GOLGA7B: variants seen among roughly 807,000 people sequenced by gnomAD.
The protein encoded by GOLGA7B is golgin subfamily A member 7B.
Under a neutral mutation model 21.5 loss-of-function variants are expected in GOLGA7B, and 17 were observed. The ratio of observed to expected loss-of-function variants is 0.79; its 90% CI spans 0.54 to 1.19. The LOEUF (loss-of-function observed/expected upper bound fraction) is 1.19. Among genes scored for constraint, GOLGA7B ranks in the 50% most tolerant of loss-of-function variants. The pLI, the probability that GOLGA7B is intolerant of heterozygous loss-of-function variation, is 0.00. For missense variants in GOLGA7B, 169 were observed against 224.4 expected (o/e 0.75, Z 1.58); for synonymous variants, 87 against 84.0 (o/e 1.04, Z -0.19).
At position 97,870,889 on chromosome 10, in the gene GOLGA7B, T is replaced by A. The variant is rs2050085873; in HGVS notation, c.*5189T>A. Reference sequence around the variant, plus strand: ...CGACCCGACTGCATTCAGGTGCATATTATGTGCCGTTATCTGAGGAGAGCA... The same window carrying A: ...CGACCCGACTGCATTCAGGTGCATAATATGTGCCGTTATCTGAGGAGAGCA... On this transcript the variant is annotated 3_prime_UTR_variant, in exon 5 of 5. Transcript: ENST00000370602. 1 of 152,172 alleles carries A rather than the reference T, an allele frequency of 6.6e-6. No homozygotes were observed. Among genetic ancestry groups the A allele is most frequent in the Non-Finnish European group, 1.5e-5 (1 of 68,040 alleles). The allele number at this position is 152,172 out of a possible 1,614,324, so 9.4% of individuals were successfully genotyped here. A position where few individuals can be genotyped will look rare whatever the true frequency, so the allele number is the denominator to read the frequency against.
Position 97,866,797 on chromosome 10 carries a change from T to C in GOLGA7B, c.*1097T>C, listed in dbSNP as rs942989406. ...ATGTGTGTATGAGTGTTCATGTGTA[T>C]GAGTGTGTGTGTATGCAGGTGAGTG... On this transcript the variant is annotated 3_prime_UTR_variant, in exon 5 of 5. Transcript: ENST00000370602. 2.0e-5 allele frequency: 3 copies of C among 152,172 alleles called. No homozygotes were observed. Among genetic ancestry groups the C allele is most frequent in the Non-Finnish European group, 2.9e-5 (2 of 68,046 alleles). 9.4% of individuals were successfully genotyped at this position (152,172 alleles called of 1,614,324 possible).
chr10:97,865,727 G>A lies in GOLGA7B; in HGVS notation c.*27G>A, dbSNP rs567071631. The A allele has an allele frequency of 1.9e-6, 3 of 1,560,776 alleles. No individual in the cohort carries two copies. Among genetic ancestry groups the A allele is most frequent in the Admixed American group, 1.7e-5 (1 of 57,326 alleles). ...TGGCCGAGAGTCCCTGTAGGGAGGTGTATGGCCGGAGTGAGGGCCTTGCAG... is the reference window on the plus strand; with the variant it reads ...TGGCCGAGAGTCCCTGTAGGGAGGTATATGGCCGGAGTGAGGGCCTTGCAG... On this transcript the variant is annotated 3_prime_UTR_variant, in exon 5 of 5. Transcript: ENST00000370602.
At chr10:97,865,559 G>A in intron 4 of GOLGA7B, 31 bp from the exon 5 acceptor site, 1 of 1,608,940 alleles carries the variant, frequency 6.2e-7, no homozygotes, top group Non-Finnish European at 8.5e-7. Context: ...CAGCAGCTGG[G>A]CTCGCAGCTC....
chr10:97,863,961 A>G lies in GOLGA7B; in HGVS notation c.170A>G (p.Lys57Arg). 1 of 1,614,068 alleles carries G rather than the reference A, an allele frequency of 6.2e-7. No individual in the cohort carries two copies. The highest frequency in any genetic ancestry group is 8.5e-7 in the Non-Finnish European group (1 of 1,179,984). The stretch of plus-strand genomic sequence containing the variant: ...CGGCAGCTCTTTGAAGAGACTGTGA[A>G]GACCCTCAACGGATTTTACGCAGAG... ...IERQLFEETVKTLNGFYAEAE... is the reference protein window; with the variant it reads ...IERQLFEETVRTLNGFYAEAE... Residue 57 changes from lysine (K) to arginine (R), a missense_variant, in exon 3 of 5, where the codon AAG (lysine) becomes AGG (arginine). Lys to Arg is a conservative substitution (Grantham distance 26, BLOSUM62 2). Transcript: ENST00000370602.
chr10:97,865,783 G>T lies in GOLGA7B; in HGVS notation c.*83G>T, dbSNP rs552576574. 2.1e-6 allele frequency: 3 copies of T among 1,461,690 alleles called. No individual in the cohort carries two copies. Among genetic ancestry groups the T allele is most frequent in the South Asian group, 1.4e-5 (1 of 73,338 alleles). 90.5% of individuals were successfully genotyped at this position (1,461,690 alleles called of 1,614,324 possible). On this transcript the variant is annotated 3_prime_UTR_variant, in exon 5 of 5. Coordinates refer to ENST00000370602, the MANE Select transcript of GOLGA7B (RefSeq NM_001010917.3). The stretch of plus-strand genomic sequence containing the variant: ...CGGCGGCTGCGCTACCAGAGCACCC[G>T]CTTCTGAGTCATTCTTTGGGCTCAC...
Position 97,865,934 on chromosome 10 carries a change from C to T in GOLGA7B, c.*234C>T, listed in dbSNP as rs1326060920. ...TCCTGACCTGGGGGCTTTTCCTTCCCGATGGGGCTGGTCTGGGCCACACAG... is the reference window on the plus strand; with the variant it reads ...TCCTGACCTGGGGGCTTTTCCTTCCTGATGGGGCTGGTCTGGGCCACACAG... On this transcript the variant is annotated 3_prime_UTR_variant, in exon 5 of 5. Transcript: ENST00000370602. 19 of 628,858 alleles carry T rather than the reference C, an allele frequency of 3.0e-5. No homozygotes were observed. The highest frequency in any genetic ancestry group is 2.9e-4 in the East Asian group (10 of 33,906). The allele number at this position is 628,858 out of a possible 1,614,324, so 39.0% of individuals were successfully genotyped here.
intron 1 of GOLGA7B, among the ~76,000 whole-genome samples, chr10:97,851,254 T>C (rs772770795): frequency 3.6e-4 from 55 of 152,328 alleles, no homozygotes; most frequent in Admixed American, 1.6e-3. Flanking sequence ...TGATGTTGAC[T>C]TCCTTTGTGG....
At position 97,850,645 on chromosome 10, in the gene GOLGA7B, G is replaced by A. The variant is rs2049899854; in HGVS notation, c.12+330G>A. On this transcript the variant is annotated intron_variant, in intron 1 of 4. Coordinates refer to ENST00000370602, the MANE Select transcript of GOLGA7B (RefSeq NM_001010917.3). ...CTTTCCTAGAGGGTTGGAGACGCGT[G>A]TGTGTGCGTGTGTGAGGGGAGGGAA... Among the ~76,000 whole-genome samples, 4 of 152,194 alleles carry A rather than the reference G, an allele frequency of 2.6e-5. No individual in the cohort carries two copies. In the South Asian group the frequency reaches 8.3e-4, roughly 32 times the overall value.
At chr10:97,850,860 GT>G (rs564025755) in intron 1 of GOLGA7B, among the ~76,000 whole-genome samples, 2,450 of 137,868 alleles carry the variant, frequency 0.018, 44 homozygotes, top group African/African-American at 0.045. Context: ...CCCCATTCGA[GT>G]TTTTTTTTTT....
At chr10:97,850,371 C>G (rs989340951) in intron 1 of GOLGA7B, 56 bp downstream of exon 1, 7 of 1,476,348 alleles carry the variant, frequency 4.7e-6, no homozygotes, top group Non-Finnish European at 5.4e-6. Context: ...GACCAAATGC[C>G]CTAGGGGTGG....
intron 1 of GOLGA7B, among the ~76,000 whole-genome samples, chr10:97,854,522 T>C (rs2136513108): frequency 1.3e-5 from 2 of 152,318 alleles, no homozygotes; most frequent in Middle Eastern, 3.4e-3. Context: ...ACTAAGGCTC[T>C]GCCATATAAA....
At chr10:97,855,361 T>C (rs573818244) in intron 1 of GOLGA7B, among the ~76,000 whole-genome samples, 8 of 152,302 alleles carry the variant, frequency 5.3e-5, no homozygotes, top group African/African-American at 1.9e-4. Flanking sequence ...AGGCATCACA[T>C]TGCCTGACGT....
chr10:97,870,443 G>GT lies in GOLGA7B; in HGVS notation c.*4744dup, dbSNP rs2050079904. ...GGAGTCAGGATCAAGATTACCCTGG[G>GT]TCGGGGGTAGCGAATGGATGGGGAC... On this transcript the variant is annotated 3_prime_UTR_variant, in exon 5 of 5. Transcript: ENST00000370602. 1 of 152,128 alleles carries GT rather than the reference G, an allele frequency of 6.6e-6. No individual in the cohort carries two copies. The highest frequency in any genetic ancestry group is 2.1e-4 in the South Asian group (1 of 4,820). The allele number at this position is 152,128 out of a possible 1,614,324, so 9.4% of individuals were successfully genotyped here. A position where few individuals can be genotyped will look rare whatever the true frequency, so the allele number is the denominator to read the frequency against.
At position 97,863,948 on chromosome 10, in the gene GOLGA7B, G is replaced by A; in HGVS notation, c.157G>A (p.Glu53Lys). 1 of 1,613,654 alleles carries A rather than the reference G, an allele frequency of 6.2e-7. No individual in the cohort carries two copies. The highest frequency in any genetic ancestry group is 8.5e-7 in the Non-Finnish European group (1 of 1,179,804). Residue 53 changes from glutamate (E) to lysine (K), a missense_variant, in exon 3 of 5, where the codon GAA becomes AAA. Transcript: ENST00000370602. ...LDSRIERQLF[E>K]ETVKTLNGFY... ...TCTCCAGATCGAGCGGCAGCTCTTTGAAGAGACTGTGAAGACCCTCAACGG... is the reference window on the plus strand; with the variant it reads ...TCTCCAGATCGAGCGGCAGCTCTTTAAAGAGACTGTGAAGACCCTCAACGG...
chr10:97,864,396 C>A, intron 4 of GOLGA7B, 127 bp downstream of exon 4: 1 of 685,412 alleles, frequency 1.5e-6, no homozygotes, highest in Non-Finnish European at 2.5e-6. Context: ...TTCCCCACAT[C>A]AGTGGTCCTC....
rs545813330 is a variant in GOLGA7B at position 97,867,661 on chromosome 10, C to A, written c.*1961C>A. The A allele has an allele frequency of 4.6e-5, 7 of 152,266 alleles. No homozygotes were observed. The highest frequency in any genetic ancestry group is 3.4e-3 in the Middle Eastern group (1 of 294). The allele number at this position is 152,266 out of a possible 1,614,324, so 9.4% of individuals were successfully genotyped here. ...GGCTGGGCATTGTGTCTGACCTGTG[C>A]ATCTCCCATGGGAGGGCTGGGCACA... On this transcript the variant is annotated 3_prime_UTR_variant, in exon 5 of 5. Transcript: ENST00000370602.
chr10:97,870,852 A>C lies in GOLGA7B; in HGVS notation c.*5152A>C, dbSNP rs1418639249. ...GAAAACAGCCCAGGTTCACACCAGG[A>C]GTTCTTAACCTCGACCCGACTGCAT... is the stretch of plus-strand genomic sequence containing the variant. On this transcript the variant is annotated 3_prime_UTR_variant, in exon 5 of 5. Coordinates refer to ENST00000370602, the MANE Select transcript of GOLGA7B (RefSeq NM_001010917.3). 1.3e-5 allele frequency: 2 copies of C among 152,274 alleles called. No individual in the cohort carries two copies. Among genetic ancestry groups the C allele is most frequent in the South Asian group, 4.1e-4 (2 of 4,820 alleles). 9.4% of individuals were successfully genotyped at this position (152,274 alleles called of 1,614,324 possible).
In GOLGA7B at chr10:97,862,896, G is replaced by A. The variant is rs144308010; in HGVS notation, c.139-1034G>A. ...GTCACGGCAGCCTGCAGGGGAAAGT[G>A]TGGCAGCTAAGGAGATGGACACAAA... On this transcript the variant is annotated intron_variant, in intron 2 of 4. Transcript: ENST00000370602. Among the ~76,000 whole-genome samples the A allele has an allele frequency of 4.0e-3, 613 of 152,324 alleles. 6 individuals are homozygous for A. The highest frequency in any genetic ancestry group is 0.014 in the African/African-American group (593 of 41,562).
chr10:97,865,608 G>A lies in GOLGA7B; in HGVS notation c.412G>A (p.Glu138Lys), dbSNP rs901352162. The A allele has an allele frequency of 5.0e-6, 8 of 1,613,570 alleles. No homozygotes were observed. Among genetic ancestry groups the A allele is most frequent in the Middle Eastern group, 3.3e-4 (2 of 6,056 alleles). ...ACCCCAGATTGAGATCTCCATCTAC[G>A]AGGACCGGTGCAGCAGTGGCAGCTC... is the stretch of plus-strand genomic sequence containing the variant. Reference protein sequence around the residue: ...GMRVIEISIYEDRCSSGSSSS... With the variant: ...GMRVIEISIYKDRCSSGSSSS... Residue 138 changes from glutamate to lysine, a missense_variant, in exon 5 of 5, where the codon GAG becomes AAG. Glu to Lys is a moderately conservative substitution (Grantham distance 56). Coordinates refer to ENST00000370602, the MANE Select transcript of GOLGA7B (RefSeq NM_001010917.3).
Sources: gnomAD v4.1 joint callset for allele counts (sites outside exome capture counted in the v4.1 genomes callset) on GRCh38, gnomAD v4.1.1 for gene constraint, MANE v1.5 for transcripts, NCBI Gene and HGNC (gene_info 2026-07-23, HGNC 2026-07-21) for gene names.